The following OSBPL10 variants were observed in gnomAD, a reference collection of about 807,000 sequenced individuals.
OSBPL10 encodes oxysterol-binding protein-related protein 10.
OSBPL10 carries 49 observed loss-of-function variants against 81.7 expected under a neutral mutation model. The observed-to-expected ratio is 0.60, with a 90% confidence interval of 0.48 to 0.76. The LOEUF (loss-of-function observed/expected upper bound fraction) is 0.76, where lower values mean the gene tolerates loss of function less well. OSBPL10 is among the 30% of genes least tolerant of loss of function. The pLI is 0.00. For synonymous variants in OSBPL10, 419 were observed against 383.6 expected, an observed-to-expected ratio of 1.09 and a Z score of -1.08; for missense variants, 923 against 987.8, an observed-to-expected ratio of 0.93 and a Z score of 0.88.
At chr3:31,688,283 T>TCA (rs55643097) in intron 7 of OSBPL10, among the ~76,000 whole-genome samples, 2,730 of 115,440 alleles carry the variant, frequency 0.024, 70 homozygotes, top group African/African-American at 0.066. Flanking sequence ...TCTCTCTCTC[T>TCA]CACACACACA....
At chr3:31,905,794 A>G (rs1443294698) in intron 1 of OSBPL10, among the ~76,000 whole-genome samples, 1 of 151,418 alleles carries the variant, frequency 6.6e-6, no homozygotes, top group Non-Finnish European at 1.5e-5. Flanking sequence ...ACCACTCTAG[A>G]AAAAAAAATA....
chr3:31,876,623 G>A, intron 2 of OSBPL10, 111 bp from the exon 3 acceptor site: 1 of 825,576 alleles, frequency 1.2e-6, no homozygotes, highest in East Asian at 2.6e-5. Flanking sequence ...GTGAGAGGTA[G>A]CAAGAAGGTG....
intron 1 of OSBPL10, among the ~76,000 whole-genome samples, chr3:31,892,729 G>A (rs1235363820): frequency 6.6e-6 from 1 of 152,154 alleles, no homozygotes; most frequent in East Asian, 1.9e-4. Flanking sequence ...GAGGGCGAGG[G>A]TGAGGGCAAT....
chr3:31,970,416 C>T (rs1192074014), intron 1 of OSBPL10, among the ~76,000 whole-genome samples: 1 of 152,150 alleles, frequency 6.6e-6, no homozygotes, highest in East Asian at 1.9e-4. Context: ...GCCAGCATGT[C>T]TATATTCCAA....
At chr3:31,861,001 C>T (rs1268365782) in intron 3 of OSBPL10, among the ~76,000 whole-genome samples, 1 of 151,850 alleles carries the variant, frequency 6.6e-6, no homozygotes, top group Non-Finnish European at 1.5e-5. Context: ...GTGAACCACA[C>T]ATGGGCAAAA....
At chr3:32,022,508 TG>T (rs1454092988) in intron 2 of OSBPL10, among the ~76,000 whole-genome samples, 1 of 152,118 alleles carries the variant, frequency 6.6e-6, no homozygotes, top group African/African-American at 2.4e-5. Context: ...ATTTGAGGCC[TG>T]GCATGGTGGC....
rs142312108 is a variant in OSBPL10 at position 31,949,639 on chromosome 3, G to C, written c.281+31260C>G. On this transcript the variant is annotated intron_variant, in intron 1 of 11. Transcript: ENST00000396556. Reference sequence around the variant, plus strand: ...GCTGAGATCACCTCACTGCACTCCAGCCTGGGCAACAGAGCAAGACTCTGT... The same window carrying C: ...GCTGAGATCACCTCACTGCACTCCACCCTGGGCAACAGAGCAAGACTCTGT... Among the ~76,000 whole-genome samples, 440 of 111,922 alleles carry C rather than the reference G, an allele frequency of 3.9e-3. 4 individuals are homozygous for C. In the East Asian group the frequency reaches 0.052, roughly 13 times the overall value. 73.4% of individuals were successfully genotyped at this position (111,922 alleles called of 152,430 possible).
chr3:31,729,786 T>C (rs895227560), intron 6 of OSBPL10, among the ~76,000 whole-genome samples: 2 of 152,174 alleles, frequency 1.3e-5, no homozygotes, highest in African/African-American at 4.8e-5. Context: ...GTCAGGAAGC[T>C]GCTGCTCTTG....
In OSBPL10 at chr3:31,662,037, A is replaced by G. The variant is rs760986551; in HGVS notation, c.*35T>C. The G allele has an allele frequency of 2.7e-5, 43 of 1,607,964 alleles. No individual in the cohort carries two copies. Among genetic ancestry groups the G allele is most frequent in the Admixed American group, 8.5e-5 (5 of 58,744 alleles). On this transcript the variant is annotated 3_prime_UTR_variant, in exon 12 of 12. Coordinates refer to ENST00000396556, the MANE Select transcript of OSBPL10 (RefSeq NM_017784.5). ...ACTACTTTAATATTCCTACAAAAAC[A>G]GGGCTATACTGGAAAGCTCTGCACC...
chr3:31,696,909 C>G (rs1049089716), intron 7 of OSBPL10, among the ~76,000 whole-genome samples: 1 of 152,240 alleles, frequency 6.6e-6, no homozygotes, highest in African/African-American at 2.4e-5. Context: ...CAGACCTAAT[C>G]AGATCCAAGA....
intron 3 of OSBPL10, among the ~76,000 whole-genome samples, chr3:31,851,564 A>G (rs949600035): frequency 1.3e-5 from 2 of 152,276 alleles, no homozygotes; most frequent in African/African-American, 2.4e-5. Flanking sequence ...TACCCAGACC[A>G]GCACGACTCA....
At chr3:31,938,835 G>C (rs569188972) in intron 1 of OSBPL10, among the ~76,000 whole-genome samples, 1 of 152,114 alleles carries the variant, frequency 6.6e-6, no homozygotes, top group Non-Finnish European at 1.5e-5. Flanking sequence ...CAAGCCTCAG[G>C]GTCCACCATC....
At chr3:31,945,501 G>C (rs1052271779) in intron 1 of OSBPL10, among the ~76,000 whole-genome samples, 2 of 152,162 alleles carry the variant, frequency 1.3e-5, no homozygotes, top group Non-Finnish European at 2.9e-5. Context: ...AAATTGTTTT[G>C]AATCAGTTGA....
intron 1 of OSBPL10, among the ~76,000 whole-genome samples, chr3:31,942,144 A>G (rs756892965): frequency 6.6e-6 from 1 of 152,140 alleles, no homozygotes; most frequent in African/African-American, 2.4e-5. Flanking sequence ...GCGTGACGGC[A>G]GGCACCTGTA....
intron 1 of OSBPL10, among the ~76,000 whole-genome samples, chr3:31,934,090 CA>C (rs766435760): frequency 2.4e-4 from 31 of 129,576 alleles, no homozygotes; most frequent in African/African-American, 4.2e-4. Flanking sequence ...AAAAAAAAAA[CA>C]AAAAAAAAAA....
intron 1 of OSBPL10, among the ~76,000 whole-genome samples, chr3:32,063,452 G>A (rs1191348922): frequency 2.2e-5 from 2 of 92,018 alleles, no homozygotes; most frequent in African/African-American, 5.6e-5. Flanking sequence ...TGATGCCCAG[G>A]GTGAACAGAC....
intron 1 of OSBPL10, among the ~76,000 whole-genome samples, chr3:32,072,477 C>A (rs1699838441): frequency 6.6e-6 from 1 of 152,168 alleles, no homozygotes. Flanking sequence ...GTTCTTGGAC[C>A]AAGGAAAATA....
At chr3:31,797,642 C>G in intron 4 of OSBPL10, 1 of 344,798 alleles carries the variant, frequency 2.9e-6, no homozygotes, top group Non-Finnish European at 5.9e-6. Context: ...TGCAAAAGGT[C>G]ACAGCTATTT....
intron 6 of OSBPL10, among the ~76,000 whole-genome samples, chr3:31,725,403 A>G (rs899815905): frequency 1.3e-5 from 2 of 152,186 alleles, no homozygotes; most frequent in African/African-American, 2.4e-5. Context: ...CCCCAGACCA[A>G]CAACAGCCAG....
Sources: allele counts gnomAD v4.1 joint callset (sites outside exome capture counted in the v4.1 genomes callset), GRCh38; gene constraint gnomAD v4.1.1; transcripts MANE v1.5; gene names NCBI Gene and HGNC (gene_info 2026-07-23, HGNC 2026-07-21).